GALNT1: variants seen among roughly 807,000 people sequenced by gnomAD.
GALNT1 encodes GalNAc transferase 1.
Under a neutral mutation model 65.7 loss-of-function variants are expected in GALNT1, and 17 were observed. The observed-to-expected ratio is 0.26, with a 90% CI of 0.18 to 0.39. The LOEUF is 0.39. Among genes scored for constraint, GALNT1 ranks in the 10% least tolerant of loss-of-function variants. The pLI, the probability that GALNT1 is intolerant of heterozygous loss-of-function variation, is 1.00. For synonymous variants in GALNT1, 210 were observed against 219.7 expected, an observed-to-expected ratio of 0.96 and a Z score of 0.39; for missense variants, 460 against 672.8, an observed-to-expected ratio of 0.68 and a Z score of 3.50.
In GALNT1 at chr18:35,620,347, T is replaced by TA. The variant is rs1413379599; in HGVS notation, c.-103-34211dup. Among the ~76,000 whole-genome samples, 3 of 152,308 alleles carry TA rather than the reference T, an allele frequency of 2.0e-5. No homozygotes were observed. The East Asian group carries it at 5.8e-4, about 29-fold the overall frequency. On this transcript the variant is annotated intron_variant, in intron 1 of 11. Transcript: ENST00000269195. ...CACTGATTTCTGATATTGGCCAACC[T>TA]AATCTTCAAGGCAGGCCAGAAGATG...
intron 9 of GALNT1, among the ~76,000 whole-genome samples, chr18:35,692,972 G>T (rs2047992552): frequency 6.6e-6 from 1 of 152,172 alleles, no homozygotes; most frequent in African/African-American, 2.4e-5. Flanking sequence ...ACTGTTTTAA[G>T]TACTAGGAAT....
At chr18:35,644,717 G>A (rs1010546257) in intron 1 of GALNT1, among the ~76,000 whole-genome samples, 3 of 152,100 alleles carry the variant, frequency 2.0e-5, no homozygotes, top group Non-Finnish European at 2.9e-5. Context: ...CAGGCCAGGC[G>A]TGGTGACTCA....
intron 9 of GALNT1, among the ~76,000 whole-genome samples, chr18:35,694,034 T>C (rs1395893354): frequency 6.6e-6 from 1 of 152,064 alleles, no homozygotes; most frequent in Non-Finnish European, 1.5e-5. Context: ...AAAGAGGAAG[T>C]GATCAGCTGT....
chr18:35,613,347 G>GGCA (rs148383363), intron 1 of GALNT1, among the ~76,000 whole-genome samples: 11,151 of 152,098 alleles, frequency 0.073, 557 homozygotes, highest in South Asian at 0.16. Flanking sequence ...CTGGCAGCGT[G>GGCA]GCAGAGTAGA....
intron 1 of GALNT1, among the ~76,000 whole-genome samples, chr18:35,618,674 T>C (rs190963417): frequency 1.3e-5 from 2 of 152,328 alleles, no homozygotes; most frequent in Admixed American, 1.3e-4. Flanking sequence ...TTCCAACAAT[T>C]TACTTAACTT....
At chr18:35,602,724 G>A (rs8095798) in intron 1 of GALNT1, among the ~76,000 whole-genome samples, 2,410 of 152,028 alleles carry the variant, frequency 0.016, 31 homozygotes, top group African/African-American at 0.028. Context: ...TCAATCTTTG[G>A]TAAATTTTTC....
chr18:35,692,408 TAAGGA>T (rs1220290590), intron 9 of GALNT1, 88 bp downstream of exon 9: 2 of 778,318 alleles, frequency 2.6e-6, no homozygotes, highest in Non-Finnish European at 3.7e-6. Context: ...AAACTTCCAA[TAAGGA>T]AAGTACCTTC....
At chr18:35,694,720 T>C (rs982337380) in intron 9 of GALNT1, among the ~76,000 whole-genome samples, 2 of 152,252 alleles carry the variant, frequency 1.3e-5, no homozygotes, top group African/African-American at 4.8e-5. Context: ...TGCTTAGGCA[T>C]TGTCCAAAAT....
chr18:35,651,856 C>T (rs1460850458), intron 1 of GALNT1, among the ~76,000 whole-genome samples: 4 of 152,066 alleles, frequency 2.6e-5, no homozygotes, highest in Non-Finnish European at 4.4e-5. Flanking sequence ...TGCAATGGGT[C>T]GTGCAAATTA....
intron 9 of GALNT1, among the ~76,000 whole-genome samples, chr18:35,700,517 T>G (rs2048143583): frequency 6.6e-6 from 1 of 152,180 alleles, no homozygotes; most frequent in Non-Finnish European, 1.5e-5. Flanking sequence ...GAAGCAGTGG[T>G]TTCCAGTCCT....
chr18:35,637,089 T>C (rs2047100937), intron 1 of GALNT1, among the ~76,000 whole-genome samples: 1 of 152,172 alleles, frequency 6.6e-6, no homozygotes, highest in Non-Finnish European at 1.5e-5. Context: ...GCCGTTTCCC[T>C]GTCTCTCTCC....
chr18:35,665,438 G>T (rs1357909514), intron 3 of GALNT1, among the ~76,000 whole-genome samples: 1 of 152,054 alleles, frequency 6.6e-6, no homozygotes, highest in African/African-American at 2.4e-5. Context: ...TAAAAATAGG[G>T]AAGAGAAAAT....
chr18:35,709,542 G>C (rs1412607231), intron 11 of GALNT1, 82 bp from the exon 12 acceptor site: 10 of 1,458,668 alleles, frequency 6.9e-6, no homozygotes, highest in Non-Finnish European at 9.4e-6. Context: ...CACCTTTTCT[G>C]CAGAGGAACT....
At chr18:35,671,179 G>A (rs1268454349) in intron 3 of GALNT1, among the ~76,000 whole-genome samples, 1 of 151,858 alleles carries the variant, frequency 6.6e-6, no homozygotes, top group African/African-American at 2.4e-5. Flanking sequence ...ATGTTCATAG[G>A]CAGCCTACCA....
chr18:35,590,531 G>T (rs530880913), intron 1 of GALNT1, among the ~76,000 whole-genome samples: 2 of 152,250 alleles, frequency 1.3e-5, no homozygotes, highest in South Asian at 2.1e-4. Flanking sequence ...ATTGAAAAAA[G>T]AATATTTTTA....
upstream of GALNT1, chr18:35,581,281 C>A (rs1568009556): frequency 6.6e-6 from 1 of 151,662 alleles, no homozygotes; most frequent in Non-Finnish European, 1.5e-5. Context: ...ACCTCTCGGC[C>A]TGGCCCGGCC....
At chr18:35,686,416 C>G (rs2047868812) in intron 5 of GALNT1, among the ~76,000 whole-genome samples, 1 of 152,160 alleles carries the variant, frequency 6.6e-6, no homozygotes, top group African/African-American at 2.4e-5. Flanking sequence ...GAAGAAGAAT[C>G]AGATCTAAGG....
intron 1 of GALNT1, among the ~76,000 whole-genome samples, chr18:35,610,347 C>T (rs768708173): frequency 1.4e-4 from 22 of 152,136 alleles, no homozygotes; most frequent in Non-Finnish European, 2.9e-4. Flanking sequence ...AAGTAGCCAC[C>T]CAGTCACTTG....
Position 35,694,023 on chromosome 18 carries a change from G to A in GALNT1, c.1299+1703G>A, listed in dbSNP as rs116514307. ...AGACTAAGGGAAAGACGTGTTTCAG[G>A]AAAGAGGAAGTGATCAGCTGTATCG... On this transcript the variant is annotated intron_variant, in intron 9 of 11. Transcript: ENST00000269195. Among the ~76,000 whole-genome samples, 935 of 152,274 alleles carry A rather than the reference G, an allele frequency of 6.1e-3. 10 individuals are homozygous for A. Among genetic ancestry groups the A allele is most frequent in the African/African-American group, 0.021 (862 of 41,556 alleles).
Sources: gnomAD v4.1 joint callset for allele counts (sites outside exome capture counted in the v4.1 genomes callset) on GRCh38, gnomAD v4.1.1 for gene constraint, MANE v1.5 for transcripts, NCBI Gene and HGNC (gene_info 2026-07-23, HGNC 2026-07-21) for gene names.